ALMS1: variants seen among roughly 807,000 people sequenced by gnomAD.
ALMS1 encodes the protein centrosome-associated protein ALMS1.
In ALMS1, 271 loss-of-function variants were observed where a neutral mutation model predicts 352.2. That is an observed-to-expected ratio of 0.77 (90% confidence interval 0.70 to 0.85). The LOEUF is 0.85. Ranked by LOEUF, ALMS1 falls within the 40% of genes least tolerant of loss-of-function variation. The pLI is 0.00. For synonymous variants in ALMS1, 1,865 were observed against 1,761.2 expected (o/e 1.06, Z -1.48); for missense variants, 5,445 against 4,870.7 (o/e 1.12, Z -3.51).
chr2:73,412,808 C>G (rs1671105553), intron 2 of ALMS1, among the ~76,000 whole-genome samples: 2 of 151,770 alleles, frequency 1.3e-5, no homozygotes, highest in African/African-American at 4.8e-5. Flanking sequence ...AAACAAAAAA[C>G]AAAAAACAAA....
Position 73,526,164 on chromosome 2 carries a change from T to A in ALMS1, c.9781+6148T>A, listed in dbSNP as rs558280164. Among the ~76,000 whole-genome samples the A allele has an allele frequency of 6.6e-5, 10 of 152,308 alleles. No individual in the cohort carries two copies. The South Asian group carries it at 1.7e-3, about 25-fold the overall frequency. ...GCCTGTTTTTAAGCCAGTACCATGA[T>A]GTTTTGGTTATTATAGTATTGTAGT... On this transcript the variant is annotated intron_variant, in intron 11 of 22. Coordinates refer to ENST00000613296, the MANE Select transcript of ALMS1 (RefSeq NM_001378454.1).
At chr2:73,438,425 A>C (rs1230693328) in intron 7 of ALMS1, among the ~76,000 whole-genome samples, 1 of 152,222 alleles carries the variant, frequency 6.6e-6, no homozygotes, top group Non-Finnish European at 1.5e-5. Flanking sequence ...TTACAAGATA[A>C]ATTGGAAACA....
intron 13 of ALMS1, among the ~76,000 whole-genome samples, chr2:73,554,422 A>G (rs1674500010): frequency 6.6e-6 from 1 of 151,986 alleles, no homozygotes; most frequent in African/African-American, 2.4e-5. Flanking sequence ...TAGAGAAAGT[A>G]GGGCTGAGCG....
At chr2:73,569,102 C>A (rs181046814) in intron 15 of ALMS1, among the ~76,000 whole-genome samples, 2 of 140,388 alleles carry the variant, frequency 1.4e-5, no homozygotes, top group Non-Finnish European at 3.0e-5. Context: ...GCAACCTCCA[C>A]CTTTTGGATT....
intron 7 of ALMS1, among the ~76,000 whole-genome samples, chr2:73,432,908 T>C (rs896475832): frequency 2.6e-5 from 4 of 152,176 alleles, no homozygotes; most frequent in African/African-American, 9.7e-5. Context: ...TATTCCTTTG[T>C]GTGACTTGAA....
At chr2:73,555,785 G>A (rs879460800) in intron 13 of ALMS1, among the ~76,000 whole-genome samples, 20 of 152,058 alleles carry the variant, frequency 1.3e-4, no homozygotes, top group Admixed American at 8.5e-4. Context: ...AGGTGTATTC[G>A]TATATATTAA....
At chr2:73,579,545 A>T (rs1469229261) in intron 16 of ALMS1, among the ~76,000 whole-genome samples, 1 of 151,656 alleles carries the variant, frequency 6.6e-6, no homozygotes, top group Non-Finnish European at 1.5e-5. Context: ...ATTTTAGTAG[A>T]GACGTGGTTT....
intron 16 of ALMS1, chr2:73,573,643 C>T (rs933854398): frequency 7.6e-6 from 5 of 659,412 alleles, no homozygotes; most frequent in East Asian, 5.4e-5. Flanking sequence ...GAATGAAGGG[C>T]TTTGCTGCTA....
intron 21 of ALMS1, among the ~76,000 whole-genome samples, chr2:73,606,687 A>G (rs1573059899): frequency 6.6e-6 from 1 of 152,168 alleles, no homozygotes; most frequent in Admixed American, 6.5e-5. Flanking sequence ...AATATCATCT[A>G]GTAACTCTTA....
intron 4 of ALMS1, among the ~76,000 whole-genome samples, 163 bp from the exon 5 acceptor site, chr2:73,424,267 T>C (rs1263686210): frequency 1.3e-5 from 2 of 152,228 alleles, no homozygotes; most frequent in Non-Finnish European, 2.9e-5. Context: ...CTTTACTCAG[T>C]CATTAGCCAT....
intron 7 of ALMS1, among the ~76,000 whole-genome samples, chr2:73,439,364 C>G (rs969142841): frequency 3.9e-5 from 6 of 152,012 alleles, no homozygotes; most frequent in Admixed American, 1.3e-4. Flanking sequence ...GCCTGATCCT[C>G]CCATCTTGAC....
chr2:73,459,890 A>G (rs1019841410), intron 9 of ALMS1, among the ~76,000 whole-genome samples: 9 of 152,252 alleles, frequency 5.9e-5, no homozygotes, highest in Middle Eastern at 6.8e-3. Flanking sequence ...TGTTGCCTTT[A>G]TGCCCTTTCA....
chr2:73,507,269 G>T (rs1558673833), intron 10 of ALMS1, among the ~76,000 whole-genome samples: 1 of 152,170 alleles, frequency 6.6e-6, no homozygotes, highest in Non-Finnish European at 1.5e-5. Flanking sequence ...CCAGGTTTTG[G>T]TATCATGATG....
chr2:73,602,650 C>T (rs1488852640), intron 20 of ALMS1, among the ~76,000 whole-genome samples: 1 of 152,142 alleles, frequency 6.6e-6, no homozygotes, highest in Non-Finnish European at 1.5e-5. Context: ...ATTGATTTTT[C>T]CTGAAAAGAT....
chr2:73,557,444 C>G (rs746140429), intron 14 of ALMS1, 90 bp downstream of exon 14: 38 of 1,531,870 alleles, frequency 2.5e-5, no homozygotes, highest in Non-Finnish European at 3.2e-5. Context: ...AATATATTCT[C>G]TATTTTCTTC....
At position 73,550,356 on chromosome 2, in the gene ALMS1, A is replaced by G. The variant is rs1311635791; in HGVS notation, c.9997A>G (p.Lys3333Glu). The change falls in exon 13 of 23, where the codon AAA becomes GAA. Residue 3333 changes from lysine to glutamate, a missense_variant. Physicochemically the swap from Lys to Glu is moderately conservative, Grantham distance 56 (BLOSUM62 1). Transcript: ENST00000613296. ...DLSATVNIKH[K>E]EGIYSKRVVT... Reference sequence around the variant, plus strand: ...CTCAGCCACTGTTAACATTAAACATAAAGAAGGAATCTACAGTAAGAGGGT... The same window carrying G: ...CTCAGCCACTGTTAACATTAAACATGAAGAAGGAATCTACAGTAAGAGGGT... 2 of 1,614,084 alleles carry G rather than the reference A, an allele frequency of 1.2e-6. No homozygotes were observed. Among genetic ancestry groups the G allele is most frequent in the South Asian group, 1.1e-5 (1 of 91,084 alleles).
Position 73,449,456 on chromosome 2 carries a change from G to C in ALMS1, c.2929G>C (p.Glu977Gln). The change falls in exon 8 of 23, where the codon GAA becomes CAA. Residue 977 changes from glutamate (E) to glutamine (Q), a missense_variant. By Grantham distance (29) the Glu-to-Gln change is conservative. Coordinates refer to ENST00000613296, the MANE Select transcript of ALMS1 (RefSeq NM_001378454.1). ...GTTGCCAGACAGTGATCTACCTAGA[G>C]AATCTCTGAAAATGTCTGCTATTCC... Reference protein sequence around the residue: ...QELPDSDLPRESLKMSAIPGL... With the variant: ...QELPDSDLPRQSLKMSAIPGL... 6.2e-7 allele frequency: 1 copy of C among 1,614,066 alleles called. No homozygotes were observed. The highest frequency in any genetic ancestry group is 8.5e-7 in the Non-Finnish European group (1 of 1,179,982).
intron 16 of ALMS1, among the ~76,000 whole-genome samples, chr2:73,593,799 C>T (rs1675483408): frequency 6.6e-6 from 1 of 152,218 alleles, no homozygotes; most frequent in African/African-American, 2.4e-5. Context: ...CTTTCTGTTT[C>T]TATGGATTTG....
intron 11 of ALMS1, among the ~76,000 whole-genome samples, chr2:73,533,808 T>C (rs1019672280): frequency 1.3e-5 from 2 of 152,264 alleles, no homozygotes; most frequent in African/African-American, 4.8e-5. Context: ...TTAATGACTA[T>C]ACACGTGCTG....
Sources: gnomAD v4.1 joint callset for allele counts (sites outside exome capture counted in the v4.1 genomes callset) on GRCh38, gnomAD v4.1.1 for gene constraint, MANE v1.5 for transcripts, NCBI Gene and HGNC (gene_info 2026-07-23, HGNC 2026-07-21) for gene names.